CDKAL1: variants seen among roughly 807,000 people sequenced by gnomAD.
The protein encoded by CDKAL1 is CDKAL1 threonylcarbamoyladenosine tRNA methylthiotransferase, also known as threonylcarbamoyladenosine tRNA methylthiotransferase.
Under a neutral mutation model 68.2 loss-of-function variants are expected in CDKAL1, and 32 were observed. The ratio of observed to expected loss-of-function variants is 0.47; its 90% CI spans 0.35 to 0.63. The LOEUF (loss-of-function observed/expected upper bound fraction) is 0.63, where lower values mean the gene tolerates loss of function less well. CDKAL1 is among the 30% of genes least tolerant of loss of function. CDKAL1 has a pLI of 0.00. For missense variants in CDKAL1, 606 were observed against 696.7 expected (o/e 0.87, Z 1.47); for synonymous variants, 234 against 244.3 (o/e 0.96, Z 0.39).
intron 9 of CDKAL1, among the ~76,000 whole-genome samples, chr6:20,918,535 C>T (rs909734652): frequency 6.6e-6 from 1 of 152,198 alleles, no homozygotes; most frequent in Non-Finnish European, 1.5e-5. Context: ...GTAACACATG[C>T]TCATTCTTGT....
intron 4 of CDKAL1, among the ~76,000 whole-genome samples, chr6:20,606,676 T>G (rs1258250739): frequency 6.6e-6 from 1 of 152,188 alleles, no homozygotes; most frequent in East Asian, 1.9e-4. Flanking sequence ...TGTTAGAAAA[T>G]TTATCAGGCT....
Position 20,723,735 on chromosome 6 carries a change from G to T in CDKAL1, c.372-15784G>T, listed in dbSNP as rs1461462243. On this transcript the variant is annotated intron_variant, in intron 5 of 15. Transcript: ENST00000274695. ...AAAATACTGTTAGTCTCTGCCTCTTGCCCCTTTAGTGGAACTTTTTGATTA... is the reference window on the plus strand; with the variant it reads ...AAAATACTGTTAGTCTCTGCCTCTTTCCCCTTTAGTGGAACTTTTTGATTA... The T allele has an allele frequency of 2.6e-5, 4 of 152,258 alleles. No homozygotes were observed. The East Asian group carries it at 7.7e-4, about 29-fold the overall frequency. The allele number at this position is 152,258 out of a possible 1,614,324, so 9.4% of individuals were successfully genotyped here. A position where few individuals can be genotyped will look rare whatever the true frequency, so the allele number is the denominator to read the frequency against.
intron 8 of CDKAL1, among the ~76,000 whole-genome samples, chr6:20,811,699 C>G (rs1223820547): frequency 6.6e-6 from 1 of 151,520 alleles, no homozygotes; most frequent in African/African-American, 2.4e-5. Flanking sequence ...CTCATGTCTA[C>G]TCCTCTTACT....
At chr6:21,230,687 C>A (rs1310041975) in intron 15 of CDKAL1, among the ~76,000 whole-genome samples, 161 bp from the exon 16 acceptor site, 1 of 152,210 alleles carries the variant, frequency 6.6e-6, no homozygotes, top group Non-Finnish European at 1.5e-5. Context: ...TCATTCATAC[C>A]TACCTTGGGG....
In CDKAL1 at chr6:20,778,645, A is replaced by G. The variant is rs549453121; in HGVS notation, c.518-2500A>G. Among the ~76,000 whole-genome samples the G allele has an allele frequency of 4.0e-4, 61 of 152,324 alleles. 1 individual carries two copies. In the South Asian group the frequency reaches 0.012, roughly 31 times the overall value. On this transcript the variant is annotated intron_variant, in intron 7 of 15. Transcript: ENST00000274695. ...AGTTCCAGTCTGAGTTCAAAGGCCTAAGAAACAGGAGAGCCAATGGTGTTA... is the reference window on the plus strand; with the variant it reads ...AGTTCCAGTCTGAGTTCAAAGGCCTGAGAAACAGGAGAGCCAATGGTGTTA...
chr6:20,549,141 C>G (rs1283761269), intron 4 of CDKAL1, among the ~76,000 whole-genome samples: 2 of 152,128 alleles, frequency 1.3e-5, no homozygotes, highest in Non-Finnish European at 2.9e-5. Context: ...CCTTAGTTTC[C>G]TCCAATCTGT....
At chr6:20,718,539 G>T (rs1772197827) in intron 5 of CDKAL1, among the ~76,000 whole-genome samples, 1 of 152,104 alleles carries the variant, frequency 6.6e-6, no homozygotes, top group Non-Finnish European at 1.5e-5. Context: ...CAAACTGGGG[G>T]TGAAAGAAAA....
At chr6:21,129,033 T>C (rs185132566) in intron 13 of CDKAL1, among the ~76,000 whole-genome samples, 36 of 152,298 alleles carry the variant, frequency 2.4e-4, no homozygotes, top group Non-Finnish European at 4.4e-4. Context: ...CTTTTTTGTC[T>C]CTAAAATGGG....
intron 11 of CDKAL1, among the ~76,000 whole-genome samples, chr6:21,015,703 G>T (rs1768286382): frequency 6.6e-6 from 1 of 152,048 alleles, no homozygotes; most frequent in African/African-American, 2.4e-5. Flanking sequence ...GAGGCAGGTG[G>T]ATCACTTGAG....
At chr6:20,991,868 T>A in intron 10 of CDKAL1, among the ~76,000 whole-genome samples, 1 of 149,814 alleles carries the variant, frequency 6.7e-6, no homozygotes, top group East Asian at 1.9e-4. Context: ...AAAAAAAAAG[T>A]TTAAAATGGT....
chr6:20,840,768 T>G (rs185998494), intron 8 of CDKAL1, among the ~76,000 whole-genome samples: 12 of 152,352 alleles, frequency 7.9e-5, no homozygotes, highest in Admixed American at 2.0e-4. Context: ...TGTATTCGTT[T>G]GAAAGATCAA....
At chr6:21,127,920 C>T (rs1479218942) in intron 13 of CDKAL1, among the ~76,000 whole-genome samples, 3 of 152,164 alleles carry the variant, frequency 2.0e-5, no homozygotes, top group South Asian at 2.1e-4. Flanking sequence ...ATTTAACTAC[C>T]TGGATGACCC....
At chr6:21,126,396 C>T (rs1435414165) in intron 13 of CDKAL1, among the ~76,000 whole-genome samples, 1 of 152,180 alleles carries the variant, frequency 6.6e-6, no homozygotes, top group Non-Finnish European at 1.5e-5. Flanking sequence ...TACACATATA[C>T]ACAATGTGTG....
At chr6:20,793,185 A>G (rs111602335) in intron 8 of CDKAL1, among the ~76,000 whole-genome samples, 3 of 152,192 alleles carry the variant, frequency 2.0e-5, no homozygotes, top group Admixed American at 6.5e-5. Context: ...AACGCCCCTA[A>G]TTTCACTTCC....
intron 4 of CDKAL1, among the ~76,000 whole-genome samples, chr6:20,603,922 G>T (rs1056794443): frequency 6.6e-6 from 1 of 151,306 alleles, no homozygotes. Flanking sequence ...GATTACAGGC[G>T]CTTGCCACCA....
intron 12 of CDKAL1, among the ~76,000 whole-genome samples, chr6:21,104,515 A>AT (rs1366492357): frequency 2.9e-5 from 4 of 139,350 alleles, no homozygotes; most frequent in East Asian, 4.5e-4. Context: ...GTAAAACTTT[A>AT]TTTAAAAAAA....
In CDKAL1 at chr6:21,230,874, G is replaced by C. The variant is rs372260983; in HGVS notation, c.1575G>C (p.Gln525His). 114 of 1,609,830 alleles carry C rather than the reference G, an allele frequency of 7.1e-5. No homozygotes were observed. The highest frequency in any genetic ancestry group is 9.2e-5 in the Non-Finnish European group (108 of 1,177,486). Residue 525 changes from glutamine (Q) to histidine (H), a missense_variant, in exon 16 of 16, where the codon CAG (glutamine) becomes CAC (histidine). Coordinates refer to ENST00000274695, the MANE Select transcript of CDKAL1 (RefSeq NM_017774.3). The stretch of plus-strand genomic sequence containing the variant: ...ACTTCAGAAATGGGCTTGGGAACCA[G>C]CTGAGTTCAGGATCCCACACCTCTG... ...TKDFRNGLGN[Q>H]LSSGSHTSAA...
At chr6:20,545,326 T>G (rs2127651914) in intron 2 of CDKAL1, among the ~76,000 whole-genome samples, 1 of 152,038 alleles carries the variant, frequency 6.6e-6, no homozygotes, top group East Asian at 1.9e-4. Flanking sequence ...CATTTTCTTC[T>G]TTTAATTATA....
intron 9 of CDKAL1, among the ~76,000 whole-genome samples, chr6:20,920,176 CAGTT>C (rs1286919723): frequency 2.0e-5 from 3 of 152,186 alleles, no homozygotes; most frequent in African/African-American, 4.8e-5. Context: ...GATCAATTCT[CAGTT>C]AGCACTGTGA....
Sources: allele counts gnomAD v4.1 joint callset (sites outside exome capture counted in the v4.1 genomes callset), GRCh38; gene constraint gnomAD v4.1.1; transcripts MANE v1.5; gene names NCBI Gene and HGNC (gene_info 2026-07-23, HGNC 2026-07-21).